Variants in JAZF1 observed in about 807,000 individuals in gnomAD.
The protein encoded by JAZF1 is juxtaposed with another zinc finger protein 1.
In JAZF1, 8 loss-of-function variants were observed where a neutral mutation model predicts 26.4. The observed-to-expected ratio is 0.30, with a 90% CI of 0.18 to 0.55. JAZF1 has a LOEUF of 0.55. Ranked by LOEUF, JAZF1 falls within the 20% of genes least tolerant of loss-of-function variation. JAZF1 has a pLI of 0.94. For missense variants in JAZF1, 199 were observed against 322.0 expected (o/e 0.62, Z 2.92); for synonymous variants, 126 against 122.3 (o/e 1.03, Z -0.20).
At chr7:28,110,730 A>G (rs1195963569) in intron 1 of JAZF1, among the ~76,000 whole-genome samples, 1 of 152,184 alleles carries the variant, frequency 6.6e-6, no homozygotes, top group Non-Finnish European at 1.5e-5. Context: ...GAGTTCAGTT[A>G]CCAAGGTGTG....
intron 2 of JAZF1, among the ~76,000 whole-genome samples, chr7:27,983,128 GA>G (rs1480230320): frequency 6.6e-6 from 1 of 152,176 alleles, no homozygotes; most frequent in Non-Finnish European, 1.5e-5. Flanking sequence ...GGCTTCAGAT[GA>G]CCGGTAATAA....
At chr7:27,869,782 G>C (rs1316717933) in intron 3 of JAZF1, among the ~76,000 whole-genome samples, 2 of 152,168 alleles carry the variant, frequency 1.3e-5, no homozygotes, top group East Asian at 3.8e-4. Context: ...TTCCCTTCTA[G>C]GGTTAGGAAA....
intron 1 of JAZF1, among the ~76,000 whole-genome samples, chr7:28,168,142 G>A (rs1257611627): frequency 6.6e-6 from 1 of 152,082 alleles, no homozygotes; most frequent in Non-Finnish European, 1.5e-5. Flanking sequence ...CAGCACTTTG[G>A]GAGGCCGAGG....
chr7:28,057,719 T>C (rs1239968560), intron 1 of JAZF1, among the ~76,000 whole-genome samples: 4 of 152,208 alleles, frequency 2.6e-5, no homozygotes, highest in Admixed American at 2.6e-4. Context: ...TCCCATTGTG[T>C]CTAAGATTTA....
At chr7:28,004,055 T>C (rs1220742631) in intron 1 of JAZF1, among the ~76,000 whole-genome samples, 1 of 152,176 alleles carries the variant, frequency 6.6e-6, no homozygotes, top group African/African-American at 2.4e-5. Flanking sequence ...TCAAGCAGAC[T>C]GGACTATAGA....
At chr7:28,162,242 G>A (rs1398808326) in intron 1 of JAZF1, among the ~76,000 whole-genome samples, 1 of 152,206 alleles carries the variant, frequency 6.6e-6, no homozygotes, top group Admixed American at 6.5e-5. Flanking sequence ...CAGTGCCTTT[G>A]CAGTTCCATG....
At chr7:28,032,615 T>C (rs182777904) in intron 1 of JAZF1, among the ~76,000 whole-genome samples, 3 of 152,252 alleles carry the variant, frequency 2.0e-5, no homozygotes, top group Non-Finnish European at 4.4e-5. Context: ...AAACCTTATC[T>C]TCACTTTAAT....
chr7:28,004,282 C>T (rs544127384), intron 1 of JAZF1, among the ~76,000 whole-genome samples: 33 of 152,010 alleles, frequency 2.2e-4, no homozygotes, highest in Non-Finnish European at 3.8e-4. Flanking sequence ...TAATACCTGA[C>T]GCCTATGATC....
intron 1 of JAZF1, among the ~76,000 whole-genome samples, chr7:28,144,413 C>T (rs138024344): frequency 1.3e-5 from 2 of 152,344 alleles, no homozygotes; most frequent in Non-Finnish European, 2.9e-5. Context: ...TGTGTATACA[C>T]TGCATTATTC....
chr7:28,095,205 C>T (rs1292963063), intron 1 of JAZF1, among the ~76,000 whole-genome samples: 1 of 152,204 alleles, frequency 6.6e-6, no homozygotes, highest in East Asian at 1.9e-4. Context: ...TATTTGTTCA[C>T]TCTGTTGGGC....
intron 2 of JAZF1, among the ~76,000 whole-genome samples, chr7:27,955,055 G>C (rs2128355717): frequency 6.6e-6 from 1 of 152,334 alleles, no homozygotes; most frequent in South Asian, 2.1e-4. Context: ...ACCGTGCCCA[G>C]CCAGGACTTC....
chr7:27,976,344 CAAAAAAA>C (rs55992845), intron 2 of JAZF1, among the ~76,000 whole-genome samples: 1 of 80,458 alleles, frequency 1.2e-5, no homozygotes, highest in African/African-American at 5.4e-5. Context: ...GACTCCGTCT[CAAAAAAA>C]AAAAAAAAAA....
At chr7:27,894,434 C>A (rs1358560867) in intron 3 of JAZF1, among the ~76,000 whole-genome samples, 1 of 152,134 alleles carries the variant, frequency 6.6e-6, no homozygotes, top group African/African-American at 2.4e-5. Flanking sequence ...TAGGCTAATC[C>A]TAATGTGGAA....
At chr7:28,114,854 T>C (rs557054415) in intron 1 of JAZF1, among the ~76,000 whole-genome samples, 4 of 151,242 alleles carry the variant, frequency 2.6e-5, no homozygotes, top group Admixed American at 1.3e-4. Context: ...GGCTTATAGA[T>C]GAGTAGGAAT....
chr7:27,928,391 T>C (rs1784631568), intron 2 of JAZF1, among the ~76,000 whole-genome samples: 1 of 152,256 alleles, frequency 6.6e-6, no homozygotes, highest in African/African-American at 2.4e-5. Flanking sequence ...AAATTTTTAT[T>C]GGGTTTCCCA....
chr7:28,083,188 T>G (rs529689055), intron 1 of JAZF1, among the ~76,000 whole-genome samples: 1 of 152,250 alleles, frequency 6.6e-6, no homozygotes, highest in South Asian at 2.1e-4. Flanking sequence ...CATGCTCTCT[T>G]GGGGTTCACA....
chr7:28,005,628 G>A (rs1283359357), intron 1 of JAZF1, among the ~76,000 whole-genome samples: 2 of 152,190 alleles, frequency 1.3e-5, no homozygotes, highest in Admixed American at 6.5e-5. Flanking sequence ...GTTCAGGTTC[G>A]TGGGCCACAG....
intron 1 of JAZF1, among the ~76,000 whole-genome samples, chr7:28,102,200 A>G (rs1248538488): frequency 6.6e-6 from 1 of 152,222 alleles, no homozygotes; most frequent in Non-Finnish European, 1.5e-5. Flanking sequence ...GAGATAAGAG[A>G]TGGACCAAAT....
At chr7:28,018,829 T>G (rs939803447) in intron 1 of JAZF1, among the ~76,000 whole-genome samples, 1 of 152,178 alleles carries the variant, frequency 6.6e-6, no homozygotes, top group Non-Finnish European at 1.5e-5. Context: ...CATGATGTAT[T>G]CCACATTTTA....
Sources: gnomAD v4.1 joint callset for allele counts (sites outside exome capture counted in the v4.1 genomes callset) on GRCh38, gnomAD v4.1.1 for gene constraint, MANE v1.5 for transcripts, NCBI Gene and HGNC (gene_info 2026-07-23, HGNC 2026-07-21) for gene names.